The following GCNA variants were observed in gnomAD, a reference collection of about 807,000 sequenced individuals.
The protein encoded by GCNA is germ cell nuclear acidic protein.
In GCNA, 3 loss-of-function variants were observed where a neutral mutation model predicts 38.8. The observed-to-expected ratio is 0.08, with a 90% CI of 0.04 to 0.20. The LOEUF (loss-of-function observed/expected upper bound fraction) is 0.20, where lower values mean the gene tolerates loss of function less well. GCNA is among the 10% of genes least tolerant of loss of function. The pLI is 1.00. For missense variants in GCNA, 446 were observed against 578.6 expected, an observed-to-expected ratio of 0.77 and a Z score of 2.35; for synonymous variants, 195 against 240.2, an observed-to-expected ratio of 0.81 and a Z score of 1.74.
At position 71,609,193 on chromosome X, in the gene GCNA, A is replaced by T. The variant is rs193027464; in HGVS notation, c.1611+76A>T. ...CTTGGTGCTGTGAGGTGTGCTAACC[A>T]TGTATACTTCCTGCCCTTGAGCAGA... On this transcript the variant is annotated intron_variant, in intron 10 of 12. Coordinates refer to ENST00000373696, the MANE Select transcript of GCNA (RefSeq NM_052957.5). 1.1e-5 allele frequency: 11 copies of T among 1,015,682 alleles called. No homozygotes were observed. The Admixed American group carries it at 3.0e-4, about 27-fold the overall frequency. 83.7% of individuals were successfully genotyped at this position (1,015,682 alleles called of 1,213,427 possible).
chrX:71,587,566 A>G (rs1030446241), intron 2 of GCNA, among the ~76,000 whole-genome samples: 1 of 111,659 alleles, frequency 9.0e-6, no homozygotes, highest in Non-Finnish European at 1.9e-5. Flanking sequence ...AATTTAAAAT[A>G]ATCAGAAAAG....
chrX:71,582,698 A>G (rs2040555900), intron 2 of GCNA, among the ~76,000 whole-genome samples: 1 of 112,049 alleles, frequency 8.9e-6, no homozygotes, highest in African/African-American at 3.2e-5. Context: ...TATATCATAC[A>G]TGTAATTCAG....
chrX:71,579,884 G>A (rs2040532885), intron 1 of GCNA, among the ~76,000 whole-genome samples: 1 of 107,210 alleles, frequency 9.3e-6, no homozygotes, highest in Admixed American at 1.0e-4. Context: ...GTTGGGGAGG[G>A]GTCAAGGCCT....
At chrX:71,596,484 C>T (rs1187623365) in intron 6 of GCNA, among the ~76,000 whole-genome samples, 1 of 111,919 alleles carries the variant, frequency 8.9e-6, no homozygotes, top group Non-Finnish European at 1.9e-5. Flanking sequence ...AATGTTCTAT[C>T]ATGGCTCCTA....
chrX:71,609,043 A>T lies in GCNA; in HGVS notation c.1537A>T (p.Asn513Tyr). The change falls in exon 10 of 13, where the codon AAT (asparagine) becomes TAT (tyrosine). Residue 513 changes from asparagine to tyrosine, a missense_variant. Physicochemically the swap from Asn to Tyr is moderately radical, Grantham distance 143. Around this residue, in one of 7 missense-constraint regions of GCNA, gnomAD observed 160 missense variants for 165.2 expected, o/e 0.97. Transcript: ENST00000373696. Reference protein sequence around the residue: ...LEKSKKYSGKNLKRNKDELVQ... With the variant: ...LEKSKKYSGKYLKRNKDELVQ... ...AAAGTCAAAGAAATACTCTGGAAAA[A>T]ATTTAAAGCGAAATAAGGATGAATT... 1 of 1,211,360 alleles carries T rather than the reference A, an allele frequency of 8.3e-7. No homozygotes were observed.
chrX:71,581,285 G>C (rs988275543), intron 2 of GCNA, among the ~76,000 whole-genome samples: 3 of 111,987 alleles, frequency 2.7e-5, no homozygotes. Flanking sequence ...TTATGGAGAT[G>C]CGCCCTGAAC....
At chrX:71,612,025 C>T (rs2040814344) in intron 11 of GCNA, among the ~76,000 whole-genome samples, 1 of 107,800 alleles carries the variant, frequency 9.3e-6, no homozygotes, top group East Asian at 2.9e-4. Flanking sequence ...GTAATCCCAG[C>T]ACTTAGGGAG....
intron 4 of GCNA, among the ~76,000 whole-genome samples, 158 bp downstream of exon 4, chrX:71,592,728 C>T: frequency 1.0e-5 from 1 of 100,080 alleles, no homozygotes; most frequent in Non-Finnish European, 2.0e-5. Flanking sequence ...TGTTTGACAT[C>T]ACAACCAGGT....
At chrX:71,602,528 A>T (rs1404074324) in intron 7 of GCNA, among the ~76,000 whole-genome samples, 1 of 112,140 alleles carries the variant, frequency 8.9e-6, no homozygotes, top group African/African-American at 3.2e-5. Context: ...ATGATCAATG[A>T]TGTTGAACAC....
In GCNA at chrX:71,591,551, G is replaced by T. The variant is rs1435908341; in HGVS notation, c.60-571G>T. Reference sequence around the variant, plus strand: ...TTAACGGGGACCTCCTTGCCCTTTTGCCCTTTAATTTTTGACTGCAATCTC... The same window carrying T: ...TTAACGGGGACCTCCTTGCCCTTTTTCCCTTTAATTTTTGACTGCAATCTC... On this transcript the variant is annotated intron_variant, in intron 2 of 12. Coordinates refer to ENST00000373696, the MANE Select transcript of GCNA (RefSeq NM_052957.5). Among the ~76,000 whole-genome samples, 4 of 101,888 alleles carry T rather than the reference G, an allele frequency of 3.9e-5. No individual in the cohort carries two copies. In the East Asian group the frequency reaches 1.2e-3, roughly 31 times the overall value. 88.5% of individuals were successfully genotyped at this position (101,888 alleles called of 115,157 possible). A position where few individuals can be genotyped will look rare whatever the true frequency, so the allele number is the denominator to read the frequency against.
At chrX:71,605,455 G>A (rs1014591512) in intron 8 of GCNA, among the ~76,000 whole-genome samples, 4 of 112,798 alleles carry the variant, frequency 3.5e-5, no homozygotes, top group African/African-American at 3.2e-5. Context: ...ATCCTGCCCA[G>A]CTCATGCTGC....
At chrX:71,605,518 A>C in intron 8 of GCNA, 145 bp from the exon 9 acceptor site, 1 of 454,599 alleles carries the variant, frequency 2.2e-6, no homozygotes, top group Non-Finnish European at 3.9e-6. Context: ...TGAAGGCAGC[A>C]GTATGCCACT....
chrX:71,598,348 G>A (rs757966387), intron 7 of GCNA, among the ~76,000 whole-genome samples: 6 of 111,743 alleles, frequency 5.4e-5, no homozygotes, highest in Non-Finnish European at 1.1e-4. Flanking sequence ...AGGCTAGGAA[G>A]TATGGAGGCT....
At chrX:71,600,117 C>T (rs1344970601) in intron 7 of GCNA, among the ~76,000 whole-genome samples, 1 of 111,462 alleles carries the variant, frequency 9.0e-6, no homozygotes, top group Non-Finnish European at 1.9e-5. Context: ...GAGTGTGTGG[C>T]GTCAGACACA....
rs181226893 is a variant in GCNA, at chrX:71,605,919, C to T, written c.1466+190C>T. Reference sequence around the variant, plus strand: ...GGAGAATACTACCCACTGGCTCCTTCCTCCCTTCTTTCCCCACTCTCTGAG... The same window carrying T: ...GGAGAATACTACCCACTGGCTCCTTTCTCCCTTCTTTCCCCACTCTCTGAG... On this transcript the variant is annotated intron_variant, in intron 9 of 12. Transcript: ENST00000373696. Among the ~76,000 whole-genome samples, 6 of 111,995 alleles carry T rather than the reference C, an allele frequency of 5.4e-5. No homozygotes were observed. The East Asian group carries it at 1.7e-3, about 31-fold the overall frequency.
At chrX:71,602,744 T>C (rs530477708) in intron 7 of GCNA, among the ~76,000 whole-genome samples, 2 of 111,835 alleles carry the variant, frequency 1.8e-5, no homozygotes, top group South Asian at 7.5e-4. Context: ...CTTCACTTTG[T>C]TGATTGTTTC....
intron 2 of GCNA, among the ~76,000 whole-genome samples, chrX:71,581,342 G>A (rs2040545211): frequency 9.0e-6 from 1 of 111,630 alleles, no homozygotes; most frequent in Non-Finnish European, 1.9e-5. Context: ...TTTTTTGTGC[G>A]TGTGAGAGAC....
chrX:71,610,594 C>T, intron 10 of GCNA, 87 bp from the exon 11 acceptor site: 2 of 1,098,526 alleles, frequency 1.8e-6, no homozygotes, highest in Non-Finnish European at 2.4e-6. Flanking sequence ...GCCTGGGCAA[C>T]AAGAGCTAAA....
At chrX:71,587,034 G>A (rs2040590364) in intron 2 of GCNA, among the ~76,000 whole-genome samples, 2 of 112,096 alleles carry the variant, frequency 1.8e-5, no homozygotes, top group Admixed American at 9.5e-5. Flanking sequence ...TAGCATGAAT[G>A]ATTCAGGAGA....
Sources: gnomAD v4.1 joint callset for allele counts (sites outside exome capture counted in the v4.1 genomes callset) on GRCh38, gnomAD v4.1.1 for gene constraint, gnomAD v4.1.1 regional missense constraint, MANE v1.5 for transcripts, NCBI Gene and HGNC (gene_info 2026-07-23, HGNC 2026-07-21) for gene names.